The following STEAP1B variants were observed in gnomAD, a reference collection of about 807,000 sequenced individuals.
STEAP1B encodes the protein STEAP family member 1B, also known as STEAP family protein MGC87042.
A neutral mutation model predicts 27.9 loss-of-function variants in STEAP1B; 13 were observed. That is an observed-to-expected ratio of 0.47 (90% CI 0.30 to 0.74). STEAP1B has a LOEUF of 0.74. STEAP1B is among the 30% of genes least tolerant of loss of function. The probability of loss-of-function intolerance (pLI) is 0.06; values close to 1 mark genes in which losing one functional copy is unlikely to be tolerated. For synonymous variants in STEAP1B, 86 were observed against 107.1 expected, an observed-to-expected ratio of 0.80 and a Z score of 1.22; for missense variants, 250 against 298.7, an observed-to-expected ratio of 0.84 and a Z score of 1.20.
At chr7:22,430,596 C>T (rs1020405540) in intron 4 of STEAP1B, among the ~76,000 whole-genome samples, 3 of 152,218 alleles carry the variant, frequency 2.0e-5, no homozygotes, top group Non-Finnish European at 4.4e-5. Context: ...TTGGTTCTGA[C>T]TGGAACCGTG....
At chr7:22,422,669 A>G (rs1236996946) in intron 4 of STEAP1B, among the ~76,000 whole-genome samples, 2 of 151,974 alleles carry the variant, frequency 1.3e-5, no homozygotes, top group Non-Finnish European at 2.9e-5. Flanking sequence ...AATTTTTTGT[A>G]TTTTTAGTAG....
intron 4 of STEAP1B, among the ~76,000 whole-genome samples, chr7:22,439,220 T>C (rs1323173090): frequency 1.3e-5 from 2 of 152,202 alleles, no homozygotes; most frequent in Non-Finnish European, 2.9e-5. Context: ...TGTTTACATA[T>C]CATCCTGTGA....
At chr7:22,484,653 T>C (rs1175667360) in intron 4 of STEAP1B, among the ~76,000 whole-genome samples, 2 of 152,232 alleles carry the variant, frequency 1.3e-5, no homozygotes, top group African/African-American at 4.8e-5. Flanking sequence ...TCAAGTCTTA[T>C]TTTTTGAAGT....
intron 4 of STEAP1B, among the ~76,000 whole-genome samples, chr7:22,440,527 T>G (rs1485707104): frequency 6.6e-6 from 1 of 152,128 alleles, no homozygotes; most frequent in Non-Finnish European, 1.5e-5. Context: ...AATATAAAAA[T>G]GTTAAAATTG....
intron 4 of STEAP1B, among the ~76,000 whole-genome samples, chr7:22,441,987 C>CATGGGATTTGG (rs1484078257): frequency 1.3e-5 from 2 of 151,362 alleles, no homozygotes; most frequent in African/African-American, 4.9e-5. Context: ...AATTCTAGAC[C>CATGGGATTTGG]ATGGGATTTG....
chr7:22,459,258 G>A (rs543880724), intron 4 of STEAP1B, among the ~76,000 whole-genome samples: 91 of 152,330 alleles, frequency 6.0e-4, no homozygotes, highest in Admixed American at 2.8e-3. Context: ...TTTTAAGCTT[G>A]GGGCTGTTGC....
chr7:22,458,164 G>A (rs1426438487), intron 4 of STEAP1B, among the ~76,000 whole-genome samples: 1 of 152,198 alleles, frequency 6.6e-6, no homozygotes, highest in African/African-American at 2.4e-5. Context: ...AACATATCAG[G>A]TGACAACTAT....
intron 4 of STEAP1B, among the ~76,000 whole-genome samples, chr7:22,465,861 G>C (rs1043924011): frequency 6.6e-6 from 1 of 152,136 alleles, no homozygotes; most frequent in African/African-American, 2.4e-5. Context: ...GGGCTGGGCA[G>C]GAAAACCACA....
At chr7:22,464,721 A>G (rs1402031764) in intron 4 of STEAP1B, among the ~76,000 whole-genome samples, 1 of 151,518 alleles carries the variant, frequency 6.6e-6, no homozygotes, top group Admixed American at 6.6e-5. Flanking sequence ...GAAGGGAGCT[A>G]TTTGCAAGCC....
intron 4 of STEAP1B, among the ~76,000 whole-genome samples, chr7:22,455,597 T>C (rs1785565141): frequency 6.6e-6 from 1 of 152,242 alleles, no homozygotes; most frequent in Non-Finnish European, 1.5e-5. Flanking sequence ...TGTAGTTTTA[T>C]ATATTCTGAA....
At chr7:22,449,431 A>G (rs1268608134) in intron 4 of STEAP1B, among the ~76,000 whole-genome samples, 1 of 152,234 alleles carries the variant, frequency 6.6e-6, no homozygotes, top group African/African-American at 2.4e-5. Context: ...TTCATTTAAT[A>G]TAATGATCTC....
chr7:22,448,173 T>C (rs1418409393), intron 4 of STEAP1B, among the ~76,000 whole-genome samples: 1 of 152,218 alleles, frequency 6.6e-6, no homozygotes, highest in East Asian at 1.9e-4. Context: ...CTTTTTCAGA[T>C]GAGACTTCAA....
intron 4 of STEAP1B, among the ~76,000 whole-genome samples, chr7:22,434,669 C>T (rs1031682391): frequency 3.3e-5 from 5 of 152,140 alleles, no homozygotes; most frequent in Non-Finnish European, 5.9e-5. Flanking sequence ...GACACAACTC[C>T]AAGTCCAGAG....
chr7:22,441,326 A>G (rs970329506), intron 4 of STEAP1B, among the ~76,000 whole-genome samples: 15 of 152,196 alleles, frequency 9.9e-5, no homozygotes, highest in Non-Finnish European at 2.1e-4. Flanking sequence ...CCTTGAGAGC[A>G]TGGATTCAAT....
chr7:22,460,120 G>A (rs1785653283), intron 4 of STEAP1B, among the ~76,000 whole-genome samples: 1 of 151,994 alleles, frequency 6.6e-6, no homozygotes, highest in South Asian at 2.1e-4. Flanking sequence ...AACCAGCCCA[G>A]GAAACATAGT....
chr7:22,478,271 T>C (rs56075961), intron 4 of STEAP1B, among the ~76,000 whole-genome samples: 1 of 152,194 alleles, frequency 6.6e-6, no homozygotes, highest in African/African-American at 2.4e-5. Context: ...CTTAAGGCAA[T>C]GAGGACAGAC....
At chr7:22,456,972 A>ATATATATATATTTTTT in intron 4 of STEAP1B, among the ~76,000 whole-genome samples, 4 of 57,080 alleles carry the variant, frequency 7.0e-5, no homozygotes, top group African/African-American at 2.1e-4. Context: ...ATATATATAT[A>ATATATATATATTTTTT]TTTTTTTTTT....
intron 4 of STEAP1B, among the ~76,000 whole-genome samples, chr7:22,421,526 T>C (rs1179439832): frequency 6.6e-6 from 1 of 152,252 alleles, no homozygotes; most frequent in East Asian, 1.9e-4. Context: ...GGCAGCAGAG[T>C]TAGGCCCTTT....
At chr7:22,471,056 A>G (rs1202488172) in intron 4 of STEAP1B, among the ~76,000 whole-genome samples, 5 of 138,178 alleles carry the variant, frequency 3.6e-5, no homozygotes, top group African/African-American at 5.9e-5. Context: ...GGAAACCTAA[A>G]GAGCCTATTT....
Sources: gnomAD v4.1 joint callset for allele counts (sites outside exome capture counted in the v4.1 genomes callset) on GRCh38, gnomAD v4.1.1 for gene constraint, MANE v1.5 for transcripts, NCBI Gene and HGNC (gene_info 2026-07-23, HGNC 2026-07-21) for gene names.